The following CCDC85C variants were observed in gnomAD, a reference collection of about 807,000 sequenced individuals.
The protein encoded by CCDC85C is coiled-coil domain-containing protein 85C.
Under a neutral mutation model 38.3 loss-of-function variants are expected in CCDC85C, and 18 were observed. The observed-to-expected ratio is 0.47, with a 90% CI of 0.33 to 0.70. CCDC85C has a LOEUF of 0.70. CCDC85C is among the 30% of genes least tolerant of loss of function. The pLI is 0.03. For synonymous variants in CCDC85C, 264 were observed against 293.8 expected, an observed-to-expected ratio of 0.90 and a Z score of 1.04; for missense variants, 566 against 621.2, an observed-to-expected ratio of 0.91 and a Z score of 0.94.
In CCDC85C at chr14:99,603,410, C is replaced by T. The variant is rs1281367647; in HGVS notation, c.550G>A (p.Ala184Thr). Residue 184 changes from alanine to threonine, a missense_variant, in exon 1 of 6, where the codon GCC (alanine) becomes ACC (threonine). Ala to Thr is a moderately conservative substitution (Grantham distance 58). Transcript: ENST00000380243. This position sits in a 1 kb window ranked among gnomAD's most constrained non-coding sequence, Gnocchi z 7.5. ...CCCGACAGCGGCCCGCTCAGGCTGG[C>T]CTGGCTGTCGATGGAGCTGCGGGAG... is the stretch of plus-strand genomic sequence containing the variant. ...AGSRSSIDSQASLSGPLSGGA... is the reference protein window; with the variant it reads ...AGSRSSIDSQTSLSGPLSGGA... 7.9e-7 allele frequency: 1 copy of T among 1,268,194 alleles called. No homozygotes were observed. The highest frequency in any genetic ancestry group is 2.7e-5 in the South Asian group (1 of 36,556). 78.6% of individuals were successfully genotyped at this position (1,268,194 alleles called of 1,614,324 possible).
chr14:99,573,345 C>T (rs547818084), intron 1 of CCDC85C, among the ~76,000 whole-genome samples: 2 of 152,348 alleles, frequency 1.3e-5, no homozygotes, highest in South Asian at 2.1e-4. Context: ...TCAGAAGCTG[C>T]TCCCAGGCCC....
In CCDC85C at chr14:99,548,163, C is replaced by G. The variant is rs1348313240; in HGVS notation, c.794-12075G>C. ...ACAACAAGCTGCCATCTGGGAGGAG[C>G]CATGTGTAAGTCCCCTCCCAGATAA... On this transcript the variant is annotated intron_variant, in intron 1 of 5. Coordinates refer to ENST00000380243, the MANE Select transcript of CCDC85C (RefSeq NM_001144995.2). This position sits in a 1 kb window ranked among gnomAD's most constrained non-coding sequence, Gnocchi z 4.9. 6.6e-6 allele frequency among the ~76,000 whole-genome samples: 1 copy of G among 151,906 alleles called. No individual in the cohort carries two copies. The highest frequency in any genetic ancestry group is 2.4e-5 in the African/African-American group (1 of 41,342).
At chr14:99,524,832 A>G (rs6575725) in intron 2 of CCDC85C, among the ~76,000 whole-genome samples, 133,391 of 152,180 alleles carry the variant, frequency 0.88, 60,463 homozygotes, top group East Asian at 1. Context: ...AGGGGGAGGC[A>G]GGGGGTCCAC....
Position 99,511,055 on chromosome 14 carries a change from T to C in CCDC85C, c.*4191A>G, listed in dbSNP as rs1458343951. On this transcript the variant is annotated 3_prime_UTR_variant, in exon 6 of 6. Transcript: ENST00000380243. ...CTGAGAGTCCTGCACTGGGTTACTT[T>C]ATACTAGTGAGGACGTTAACCAGCC... 6 of 306,764 alleles carry C rather than the reference T, an allele frequency of 2.0e-5. No homozygotes were observed. Among genetic ancestry groups the C allele is most frequent in the Non-Finnish European group, 2.4e-5 (4 of 168,248 alleles). The allele number at this position is 306,764 out of a possible 1,614,324, so 19.0% of individuals were successfully genotyped here. A position where few individuals can be genotyped will look rare whatever the true frequency, so the allele number is the denominator to read the frequency against.
At chr14:99,559,325 T>C (rs1566773673) in intron 1 of CCDC85C, among the ~76,000 whole-genome samples, 1 of 151,860 alleles carries the variant, frequency 6.6e-6, no homozygotes, top group Admixed American at 6.6e-5. Flanking sequence ...ACCCCTAGGG[T>C]TTCCCACGTG....
intron 1 of CCDC85C, among the ~76,000 whole-genome samples, chr14:99,570,193 C>A (rs182282178): frequency 1.3e-5 from 2 of 152,248 alleles, no homozygotes; most frequent in East Asian, 3.9e-4. Flanking sequence ...TGCAGCCCTG[C>A]AATATGGAAA....
chr14:99,590,337 G>A (rs1410481376), intron 1 of CCDC85C, among the ~76,000 whole-genome samples: 1 of 152,198 alleles, frequency 6.6e-6, no homozygotes, highest in African/African-American at 2.4e-5. Flanking sequence ...TCAGCAGGAG[G>A]AATGTGACAG....
chr14:99,568,004 G>A (rs1010939559), intron 1 of CCDC85C, among the ~76,000 whole-genome samples: 5 of 151,948 alleles, frequency 3.3e-5, no homozygotes, highest in African/African-American at 1.2e-4. Context: ...CCCACCCCCA[G>A]AGGAAATGGT....
intron 1 of CCDC85C, among the ~76,000 whole-genome samples, chr14:99,593,350 T>C (rs2055108916): frequency 6.6e-6 from 1 of 152,244 alleles, no homozygotes; most frequent in South Asian, 2.1e-4. Context: ...CTCTTCTCCA[T>C]AGCTGCCGTT....
At chr14:99,547,837 T>C (rs969590131) in intron 1 of CCDC85C, among the ~76,000 whole-genome samples, 1 of 151,784 alleles carries the variant, frequency 6.6e-6, no homozygotes, top group Non-Finnish European at 1.5e-5. Flanking sequence ...GGTATATGTG[T>C]GTGTGTATAT....
chr14:99,586,716 CCT>C (rs1333801945), intron 1 of CCDC85C, among the ~76,000 whole-genome samples: 8 of 152,180 alleles, frequency 5.3e-5, no homozygotes, highest in African/African-American at 1.9e-4. Flanking sequence ...TGAGCCTCTC[CCT>C]GTCTGAGCCA....
chr14:99,603,900 G>C lies in CCDC85C; in HGVS notation c.60C>G (p.Asp20Glu), dbSNP rs781185840. ...CCTTGCTCCAGCGCAGCAGCTCCTC[G>C]TCCGGCACCTGGCTCAGCTCCTCCG... Reference protein sequence around the residue: ...AASEELSQVPDEELLRWSKEE... With the variant: ...AASEELSQVPEEELLRWSKEE... The change falls in exon 1 of 6, where the codon GAC (aspartate) becomes GAG (glutamate). Residue 20 changes from aspartate to glutamate, a missense_variant. Physicochemically the swap from Asp to Glu is conservative, Grantham distance 45. Around this residue, in one of 3 missense-constraint regions of CCDC85C, gnomAD observed 269 missense variants for 308.2 expected, o/e 0.87. Transcript: ENST00000380243. This position sits in a 1 kb window ranked among gnomAD's most constrained non-coding sequence, Gnocchi z 7.5. The C allele has an allele frequency of 6.7e-7, 1 of 1,488,700 alleles. No individual in the cohort carries two copies. The highest frequency in any genetic ancestry group is 8.9e-7 in the Non-Finnish European group (1 of 1,124,488). 92.2% of individuals were successfully genotyped at this position (1,488,700 alleles called of 1,614,324 possible). A position where few individuals can be genotyped will look rare whatever the true frequency, so the allele number is the denominator to read the frequency against.
Position 99,516,404 on chromosome 14 carries a change from GCTGGGCCC to G in CCDC85C, c.1072-126_1072-119del, listed in dbSNP as rs1897226294. 4.2e-6 allele frequency: 3 copies of G among 715,984 alleles called. No homozygotes were observed. The highest frequency in any genetic ancestry group is 7.1e-6 in the Non-Finnish European group (3 of 419,700). The allele number at this position is 715,984 out of a possible 1,614,324, so 44.4% of individuals were successfully genotyped here. A position where few individuals can be genotyped will look rare whatever the true frequency, so the allele number is the denominator to read the frequency against. ...GAACCAAAGCTGAGGACCCTGAGCC[GCTGGGCCC>G]CTGGGGACAAGCGTGGAAAAAACTG... On this transcript the variant is annotated intron_variant, in intron 4 of 5. Transcript: ENST00000380243. This position sits in a 1 kb window ranked among gnomAD's most constrained non-coding sequence, Gnocchi z 5.5.
intron 2 of CCDC85C, among the ~76,000 whole-genome samples, chr14:99,526,694 G>A (rs1038309600): frequency 5.9e-5 from 9 of 152,220 alleles, no homozygotes; most frequent in African/African-American, 1.7e-4. Context: ...AGCTCCCAGG[G>A]TTGGTCAGTG....
chr14:99,579,670 G>A (rs894767757), intron 1 of CCDC85C, among the ~76,000 whole-genome samples: 1 of 152,202 alleles, frequency 6.6e-6, no homozygotes, highest in Non-Finnish European at 1.5e-5. Flanking sequence ...ATTGAGGTGG[G>A]GGCTATGGTC....
At chr14:99,518,321 A>C (rs1215382120) in intron 3 of CCDC85C, among the ~76,000 whole-genome samples, 1 of 150,406 alleles carries the variant, frequency 6.6e-6, no homozygotes, top group African/African-American at 2.5e-5. Context: ...CATGGAGACC[A>C]GGCCCCACCC....
At chr14:99,540,303 C>T (rs1030418154) in intron 1 of CCDC85C, among the ~76,000 whole-genome samples, 7 of 152,112 alleles carry the variant, frequency 4.6e-5, no homozygotes, top group Non-Finnish European at 7.4e-5. Context: ...GCCAGTGAGC[C>T]GGGCGTCAGT....
intron 1 of CCDC85C, among the ~76,000 whole-genome samples, chr14:99,551,579 G>GCGC (rs1897909314): frequency 1.3e-5 from 2 of 149,556 alleles, no homozygotes; most frequent in Non-Finnish European, 3.0e-5. Context: ...GCAGGTGAGT[G>GCGC]AGCAGGTGGG....
chr14:99,563,018 G>C (rs915149790), intron 1 of CCDC85C, among the ~76,000 whole-genome samples: 1 of 152,114 alleles, frequency 6.6e-6, no homozygotes, highest in African/African-American at 2.4e-5. Flanking sequence ...ACTTACTCTC[G>C]AGCCGTCTAT....
Sources: gnomAD v4.1 joint callset for allele counts (sites outside exome capture counted in the v4.1 genomes callset) on GRCh38, gnomAD v4.1.1 for gene constraint, gnomAD v4.1.1 regional missense constraint, Gnocchi (gnomAD v3.1) non-coding constraint, MANE v1.5 for transcripts, NCBI Gene and HGNC (gene_info 2026-07-23, HGNC 2026-07-21) for gene names.